Variants in PHLPP2 observed in about 807,000 individuals in gnomAD.
PHLPP2 encodes the protein PH domain leucine-rich repeat-containing protein phosphatase 2.
A neutral mutation model predicts 124.9 loss-of-function variants in PHLPP2; 66 were observed. The ratio of observed to expected loss-of-function variants is 0.53; its 90% confidence interval spans 0.43 to 0.65. The LOEUF (loss-of-function observed/expected upper bound fraction) is 0.65. Among genes scored for constraint, PHLPP2 ranks in the 30% least tolerant of loss-of-function variants. The pLI is 0.00. For missense variants in PHLPP2, 1,685 were observed against 1,600.4 expected, an observed-to-expected ratio of 1.05 and a Z score of -0.90; for synonymous variants, 681 against 624.7, an observed-to-expected ratio of 1.09 and a Z score of -1.34.
chr16:71,694,756 A>T (rs956329004), intron 3 of PHLPP2, among the ~76,000 whole-genome samples: 1 of 152,100 alleles, frequency 6.6e-6, no homozygotes, highest in African/African-American at 2.4e-5. Context: ...GGGGAAAAAA[A>T]TTTAAACAAA....
chr16:71,676,658 G>C lies in PHLPP2; in HGVS notation c.1269-9C>G, dbSNP rs567773351. The stretch of plus-strand genomic sequence containing the variant: ...TTTTCAAATGGTTCATCCTTAATAC[G>C]CAGAAACAAGAAAATAATCATAAAT... On this transcript the variant is annotated splice_polypyrimidine_tract_variant and intron_variant, in intron 8 of 18. Coordinates refer to ENST00000568954, the MANE Select transcript of PHLPP2 (RefSeq NM_015020.3). The C allele has an allele frequency of 2.5e-6, 4 of 1,578,596 alleles. No homozygotes were observed.
At chr16:71,664,879 G>A (rs2044825059) in intron 12 of PHLPP2, among the ~76,000 whole-genome samples, 1 of 152,212 alleles carries the variant, frequency 6.6e-6, no homozygotes, top group African/African-American at 2.4e-5. Flanking sequence ...TATAGACACT[G>A]TAATGAGCAT....
intron 1 of PHLPP2, among the ~76,000 whole-genome samples, chr16:71,721,170 T>TA (rs1037774459): frequency 2.1e-4 from 30 of 145,004 alleles, no homozygotes; most frequent in East Asian, 8.2e-4. Context: ...TCATCTCTAC[T>TA]AAAAAAACAA....
chr16:71,720,382 T>G (rs1253875809), intron 1 of PHLPP2, among the ~76,000 whole-genome samples: 1 of 152,008 alleles, frequency 6.6e-6, no homozygotes, highest in African/African-American at 2.4e-5. Context: ...CCTCCCAAAG[T>G]GTTGGGATTA....
At chr16:71,719,956 C>T (rs146549354) in intron 1 of PHLPP2, among the ~76,000 whole-genome samples, 3,329 of 93,328 alleles carry the variant, frequency 0.036, 127 homozygotes, top group African/African-American at 0.13. Flanking sequence ...CAACACCATG[C>T]CCAGCTAATT....
intron 8 of PHLPP2, 152 bp from the exon 9 acceptor site, chr16:71,676,801 T>A (rs1386261164): frequency 3.3e-6 from 2 of 614,060 alleles, no homozygotes; most frequent in Admixed American, 2.8e-5. Flanking sequence ...CAGGCTGGAG[T>A]GCAATGGCGT....
At position 71,658,824 on chromosome 16, in the gene PHLPP2, G is replaced by C. The variant is rs1251957882; in HGVS notation, c.1986-9C>G. The C allele has an allele frequency of 6.2e-7, 1 of 1,613,156 alleles. No homozygotes were observed. Among genetic ancestry groups the C allele is most frequent in the African/African-American group, 1.3e-5 (1 of 74,872 alleles). On this transcript the variant is annotated splice_polypyrimidine_tract_variant and intron_variant, in intron 13 of 18. Coordinates refer to ENST00000568954, the MANE Select transcript of PHLPP2 (RefSeq NM_015020.3). ...CCAATTTATTTAGTTTGCTGAAAAA[G>C]AAACAACAGAATACTATAATGCACC...
chr16:71,681,964 A>C (rs1168895470), intron 5 of PHLPP2, 59 bp from the exon 6 acceptor site: 21 of 1,262,670 alleles, frequency 1.7e-5, no homozygotes, highest in Admixed American at 2.7e-5. Context: ...ATCACCCAGC[A>C]AAGAATGGAA....
chr16:71,649,918 G>A lies in PHLPP2; in HGVS notation c.2944C>T (p.Leu982=), dbSNP rs1233510825. The change falls in exon 19 of 19, where the codon CTG becomes TTG. Residue 982 remains leucine, a synonymous_variant. Transcript: ENST00000568954. ...TGTTCCCACAATGCTTTGTTTCCCA[G>A]AATCAGCAACTCATCTTGAATGGTC... ...PLTIQDELLI[L]GNKALWEHLS... 1 of 1,614,068 alleles carries A rather than the reference G, an allele frequency of 6.2e-7. No homozygotes were observed. Among genetic ancestry groups the A allele is most frequent in the Admixed American group, 1.7e-5 (1 of 59,996 alleles).
chr16:71,654,223 A>AC (rs1282122127), intron 17 of PHLPP2, among the ~76,000 whole-genome samples: 1 of 141,902 alleles, frequency 7.0e-6, no homozygotes, highest in East Asian at 1.9e-4. Flanking sequence ...AAAAAAAAAA[A>AC]AAAAACTAGT....
chr16:71,686,119 A>C (rs143488037), intron 4 of PHLPP2, among the ~76,000 whole-genome samples: 47 of 152,312 alleles, frequency 3.1e-4, no homozygotes, highest in African/African-American at 9.6e-4. Flanking sequence ...CACACACACA[A>C]AAAAGTCCTT....
At chr16:71,712,885 T>A (rs1597018398) in intron 2 of PHLPP2, among the ~76,000 whole-genome samples, 2 of 152,276 alleles carry the variant, frequency 1.3e-5, no homozygotes, top group Non-Finnish European at 1.5e-5. Flanking sequence ...TGAATTCTGT[T>A]TCAAGACACT....
intron 10 of PHLPP2, among the ~76,000 whole-genome samples, chr16:71,669,791 A>G (rs2044874231): frequency 6.6e-6 from 1 of 152,216 alleles, no homozygotes; most frequent in Non-Finnish European, 1.5e-5. Context: ...AATACAAGTG[A>G]GACAGTAGAA....
intron 2 of PHLPP2, among the ~76,000 whole-genome samples, chr16:71,703,093 T>C (rs776582130): frequency 1.3e-5 from 2 of 152,204 alleles, no homozygotes; most frequent in African/African-American, 4.8e-5. Context: ...GGTCCATCCA[T>C]GTTGCTACAT....
At chr16:71,660,405 A>G (rs1359229095) in intron 13 of PHLPP2, among the ~76,000 whole-genome samples, 13 of 134,686 alleles carry the variant, frequency 9.7e-5, no homozygotes, top group Non-Finnish European at 1.4e-4. Flanking sequence ...AAAAGGTACT[A>G]TATTATATAC....
intron 3 of PHLPP2, among the ~76,000 whole-genome samples, chr16:71,693,812 C>T (rs929750949): frequency 1.3e-5 from 2 of 152,188 alleles, no homozygotes; most frequent in East Asian, 1.9e-4. Context: ...CAAAGACTTC[C>T]CCCAATTTCT....
chr16:71,693,009 G>A (rs1438785975), intron 3 of PHLPP2, among the ~76,000 whole-genome samples: 1 of 152,046 alleles, frequency 6.6e-6, no homozygotes, highest in East Asian at 1.9e-4. Context: ...CAACATGCCT[G>A]GCCAGGAGCA....
chr16:71,653,147 C>T, intron 17 of PHLPP2, 126 bp from the exon 18 acceptor site: 2 of 630,258 alleles, frequency 3.2e-6, no homozygotes, highest in Non-Finnish European at 5.5e-6. Flanking sequence ...CCAGCCTTAC[C>T]CTTATCCACC....
chr16:71,695,507 A>G (rs1488856684), intron 3 of PHLPP2, among the ~76,000 whole-genome samples: 2 of 152,092 alleles, frequency 1.3e-5, no homozygotes, highest in African/African-American at 4.8e-5. Context: ...TCAGGAGTTC[A>G]AGACCAGCCT....
Sources: gnomAD v4.1 joint callset for allele counts (sites outside exome capture counted in the v4.1 genomes callset) on GRCh38, gnomAD v4.1.1 for gene constraint, MANE v1.5 for transcripts, NCBI Gene and HGNC (gene_info 2026-07-23, HGNC 2026-07-21) for gene names.